Variants in ERC2 observed in about 807,000 individuals in gnomAD.
ERC2 encodes the protein ERC protein 2.
ERC2 carries 42 observed loss-of-function variants against 114.8 expected under a neutral mutation model. That is an observed-to-expected ratio of 0.37 (90% CI 0.29 to 0.47). The LOEUF (loss-of-function observed/expected upper bound fraction) is 0.47, where lower values mean the gene tolerates loss of function less well. Among genes scored for constraint, ERC2 ranks in the 20% least tolerant of loss-of-function variants. ERC2 has a pLI of 0.99. For synonymous variants in ERC2, 454 were observed against 425.5 expected (o/e 1.07, Z -0.82); for missense variants, 939 against 1,150.7 (o/e 0.82, Z 2.66).
chr3:56,244,617 A>T (rs927941698), intron 3 of ERC2, among the ~76,000 whole-genome samples: 3 of 152,216 alleles, frequency 2.0e-5, no homozygotes, highest in African/African-American at 7.2e-5. Context: ...AAAAAAGTTA[A>T]AACAGTAAAA....
intron 14 of ERC2, among the ~76,000 whole-genome samples, chr3:55,757,370 A>G (rs1231634620): frequency 2.0e-5 from 3 of 152,178 alleles, no homozygotes; most frequent in Non-Finnish European, 2.9e-5. Flanking sequence ...TGGTCTCTCT[A>G]TCTCAAATTT....
chr3:55,693,923 C>G (rs1184840), intron 16 of ERC2, among the ~76,000 whole-genome samples: 143,515 of 152,176 alleles, frequency 0.94, 67,703 homozygotes, highest in East Asian at 1. Context: ...TGGCCAGGCT[C>G]GTCTCGAACT....
intron 8 of ERC2, among the ~76,000 whole-genome samples, chr3:56,018,458 T>C (rs1314548330): frequency 2.0e-5 from 3 of 151,718 alleles, no homozygotes; most frequent in African/African-American, 7.3e-5. Flanking sequence ...CAGTTGAAAA[T>C]CTAGAAGCCC....
chr3:55,780,236 C>A lies in ERC2; in HGVS notation c.2565-45318G>T, dbSNP rs1024875459. Among the ~76,000 whole-genome samples the A allele has an allele frequency of 3.3e-5, 5 of 152,158 alleles. No homozygotes were observed. The South Asian group carries it at 8.3e-4, about 25-fold the overall frequency. Reference sequence around the variant, plus strand: ...ACCGCTATTGTAAAAGAGAAGCTTACCTGGGATTATTAACATATGATATGA... The same window carrying A: ...ACCGCTATTGTAAAAGAGAAGCTTAACTGGGATTATTAACATATGATATGA... On this transcript the variant is annotated intron_variant, in intron 14 of 17. Transcript: ENST00000288221.
At chr3:56,422,667 C>T (rs1435289131) in intron 2 of ERC2, among the ~76,000 whole-genome samples, 1 of 152,162 alleles carries the variant, frequency 6.6e-6, no homozygotes, top group East Asian at 1.9e-4. Context: ...GCCCCAGATT[C>T]CTTGGTTTTC....
chr3:55,975,731 C>A (rs2069533169), intron 12 of ERC2, among the ~76,000 whole-genome samples: 1 of 152,180 alleles, frequency 6.6e-6, no homozygotes. Context: ...GTACTCAAGG[C>A]TTTCCTCTGT....
At chr3:55,565,871 C>T (rs2056336140) in intron 17 of ERC2, among the ~76,000 whole-genome samples, 1 of 152,194 alleles carries the variant, frequency 6.6e-6, no homozygotes, top group Admixed American at 6.5e-5. Context: ...CAGGCACATT[C>T]AATAGCAACT....
intron 5 of ERC2, 149 bp downstream of exon 5, chr3:56,148,828 T>TA: frequency 1.4e-6 from 1 of 690,752 alleles, no homozygotes; most frequent in East Asian, 2.8e-5. Flanking sequence ...ATGTCTGAAC[T>TA]AAAAATCTTC....
At chr3:56,326,222 G>A (rs532066260) in intron 2 of ERC2, among the ~76,000 whole-genome samples, 2 of 152,356 alleles carry the variant, frequency 1.3e-5, no homozygotes, top group East Asian at 3.9e-4. Context: ...GCAAGCCAAA[G>A]CCTGAGGAAA....
chr3:55,985,985 C>T lies in ERC2; in HGVS notation c.2259G>A (p.Leu753=). 6.5e-7 allele frequency: 1 copy of T among 1,540,304 alleles called. No individual in the cohort carries two copies. The highest frequency in any genetic ancestry group is 8.7e-7 in the Non-Finnish European group (1 of 1,148,642). Reference sequence around the variant, plus strand: ...AAACTGAAATTACTGACCTGAGAGTCAAGCTGATTGGAGCAAGGGTGAAAG... The same window carrying T: ...AAACTGAAATTACTGACCTGAGAGTTAAGCTGATTGGAGCAAGGGTGAAAG... The part of the protein sequence containing the change: ...KDKKIAELES[L]TLRHMKDQNK... The change falls in exon 12 of 18, where the codon TTG becomes TTA. Residue 753 remains leucine, a synonymous_variant. Coordinates refer to ENST00000288221, the MANE Select transcript of ERC2 (RefSeq NM_015576.3).
At chr3:55,955,248 T>TGTGTG (rs2067867067) in intron 12 of ERC2, 5 of 360,800 alleles carry the variant, frequency 1.4e-5, no homozygotes, top group Middle Eastern at 3.8e-4. Flanking sequence ...GGTGGTGTGT[T>TGTGTG]TGTGTGTGTG....
chr3:55,969,929 G>T (rs986110761), intron 12 of ERC2, among the ~76,000 whole-genome samples: 2 of 152,108 alleles, frequency 1.3e-5, no homozygotes, highest in African/African-American at 4.8e-5. Context: ...TTATTTGGTT[G>T]GAAGTAGCTC....
intron 12 of ERC2, among the ~76,000 whole-genome samples, chr3:55,970,434 C>G (rs2069076650): frequency 6.6e-6 from 1 of 151,742 alleles, no homozygotes; most frequent in South Asian, 2.1e-4. Flanking sequence ...GAAAAACTAA[C>G]AGTCATATAT....
chr3:55,592,581 A>ATC (rs1395218136), intron 17 of ERC2, among the ~76,000 whole-genome samples: 16 of 152,180 alleles, frequency 1.1e-4, no homozygotes, highest in African/African-American at 3.6e-4. Flanking sequence ...CCTGTTTTTC[A>ATC]TCTCTCTTTG....
At chr3:56,033,040 G>GAAA (rs556647950) in intron 7 of ERC2, among the ~76,000 whole-genome samples, 2 of 84,630 alleles carry the variant, frequency 2.4e-5, no homozygotes, top group Non-Finnish European at 5.7e-5. Context: ...CAGAAAGAAA[G>GAAA]AAAGAAAGAA....
At chr3:55,627,097 A>C (rs966253910) in intron 17 of ERC2, among the ~76,000 whole-genome samples, 1 of 152,232 alleles carries the variant, frequency 6.6e-6, no homozygotes, top group Non-Finnish European at 1.5e-5. Flanking sequence ...TGGATAAATC[A>C]TCTCTGAATG....
At chr3:55,624,851 G>A (rs563354129) in intron 17 of ERC2, among the ~76,000 whole-genome samples, 3 of 152,272 alleles carry the variant, frequency 2.0e-5, no homozygotes, top group Non-Finnish European at 4.4e-5. Flanking sequence ...TGGTCCTGAA[G>A]CCACTGAATG....
chr3:56,306,153 A>T (rs1408222861), intron 2 of ERC2, among the ~76,000 whole-genome samples: 1 of 152,084 alleles, frequency 6.6e-6, no homozygotes, highest in East Asian at 1.9e-4. Context: ...CCAGCCTTAT[A>T]TATTGTCTAT....
intron 17 of ERC2, among the ~76,000 whole-genome samples, chr3:55,665,573 G>A (rs1167869936): frequency 6.6e-6 from 1 of 152,106 alleles, no homozygotes; most frequent in Non-Finnish European, 1.5e-5. Context: ...TCAGAGTGAT[G>A]CATCTACAAG....
Sources: gnomAD v4.1 joint callset for allele counts (sites outside exome capture counted in the v4.1 genomes callset) on GRCh38, gnomAD v4.1.1 for gene constraint, MANE v1.5 for transcripts, NCBI Gene and HGNC (gene_info 2026-07-23, HGNC 2026-07-21) for gene names.